COMMD1: variants seen among roughly 807,000 people sequenced by gnomAD.
COMMD1 encodes the protein copper metabolism domain containing 1, also known as COMM domain-containing protein 1.
A neutral mutation model predicts 17.2 loss-of-function variants in COMMD1; 10 were observed. The ratio of observed to expected loss-of-function variants is 0.58; its 90% CI spans 0.36 to 0.99. COMMD1 has a LOEUF of 0.99. Ranked by LOEUF, COMMD1 falls within the 50% of genes least tolerant of loss-of-function variation. The pLI is 0.01. For synonymous variants in COMMD1, 97 were observed against 91.6 expected (o/e 1.06, Z -0.34); for missense variants, 270 against 231.8 (o/e 1.17, Z -1.07).
rs143604869 is a variant in COMMD1 at position 62,090,195 on chromosome 2, T to G, written c.463-45636T>G. 3.3e-3 allele frequency among the ~76,000 whole-genome samples: 490 copies of G among 149,406 alleles called. 3 individuals are homozygous for G. Among genetic ancestry groups the G allele is most frequent in the African/African-American group, 0.011 (449 of 40,646 alleles). ...TATCTGGCATAACATTTACAAGAGA[T>G]ATATAATCCTAATACAGTGACAAAC... On this transcript the variant is annotated intron_variant, in intron 2 of 2. Coordinates refer to ENST00000311832, the MANE Select transcript of COMMD1 (RefSeq NM_152516.4).
chr2:61,995,171 A>G (rs76897755), intron 1 of COMMD1, among the ~76,000 whole-genome samples: 25,361 of 151,926 alleles, frequency 0.17, 2,286 homozygotes, highest in Middle Eastern at 0.21. Flanking sequence ...GTCATTGTCA[A>G]CCTCCAGGGC....
At chr2:62,028,832 G>A (rs1045917644) in intron 2 of COMMD1, among the ~76,000 whole-genome samples, 2 of 152,070 alleles carry the variant, frequency 1.3e-5, no homozygotes, top group Non-Finnish European at 2.9e-5. Flanking sequence ...CTTCATTTCA[G>A]TTATTTAAGT....
At chr2:61,973,068 G>A (rs1200350189) in intron 1 of COMMD1, among the ~76,000 whole-genome samples, 2 of 151,994 alleles carry the variant, frequency 1.3e-5, no homozygotes, top group Non-Finnish European at 2.9e-5. Context: ...CAATTTTGGT[G>A]TTTGTGCTTT....
chr2:62,064,841 T>G (rs1043015185), intron 2 of COMMD1, among the ~76,000 whole-genome samples: 3 of 152,326 alleles, frequency 2.0e-5, no homozygotes, highest in African/African-American at 7.2e-5. Flanking sequence ...AGAAACCATT[T>G]AGCCTTTTTG....
chr2:62,022,072 G>A (rs892861210), intron 2 of COMMD1, among the ~76,000 whole-genome samples: 2 of 152,052 alleles, frequency 1.3e-5, no homozygotes, highest in Non-Finnish European at 2.9e-5. Context: ...TTACCCCTAT[G>A]TAGATCTTAT....
At chr2:61,898,592 G>C (rs1230913909) in intron 1 of COMMD1, among the ~76,000 whole-genome samples, 1 of 151,922 alleles carries the variant, frequency 6.6e-6, no homozygotes. Flanking sequence ...AAAACTTTGG[G>C]GCCCTTGGGT....
intron 2 of COMMD1, among the ~76,000 whole-genome samples, chr2:62,099,608 C>A (rs1323052415): frequency 6.6e-6 from 1 of 150,952 alleles, no homozygotes; most frequent in African/African-American, 2.4e-5. Flanking sequence ...GACCTGTGGC[C>A]TAAGGCTTTT....
chr2:62,047,468 C>T (rs2103910246), intron 2 of COMMD1, among the ~76,000 whole-genome samples: 1 of 149,584 alleles, frequency 6.7e-6, no homozygotes, highest in South Asian at 2.1e-4. Context: ...TTCTTTCTTC[C>T]TTTCTTTTTT....
At chr2:62,000,580 T>G in intron 1 of COMMD1, 121 bp from the exon 2 acceptor site, 2 of 966,274 alleles carry the variant, frequency 2.1e-6, no homozygotes, top group South Asian at 1.4e-5. Context: ...GTGTGAGCCA[T>G]TGTGTCTGGG....
intron 1 of COMMD1, among the ~76,000 whole-genome samples, chr2:61,895,698 A>G (rs553477452): frequency 3.9e-5 from 6 of 152,252 alleles, no homozygotes; most frequent in East Asian, 1.9e-4. Flanking sequence ...AAGCAGCCCA[A>G]TGACTTGGTT....
intron 1 of COMMD1, among the ~76,000 whole-genome samples, chr2:61,996,087 A>G (rs1348005640): frequency 2.6e-5 from 4 of 152,178 alleles, no homozygotes; most frequent in African/African-American, 7.2e-5. Context: ...CTTTATTACT[A>G]TTCAAGAGGC....
At chr2:62,040,230 C>G (rs10171696) in intron 2 of COMMD1, among the ~76,000 whole-genome samples, 20,185 of 152,014 alleles carry the variant, frequency 0.13, 3,359 homozygotes, top group African/African-American at 0.39. Context: ...CTCCAGCCTA[C>G]GTGACAGAGT....
intron 2 of COMMD1, among the ~76,000 whole-genome samples, chr2:62,035,143 T>C (rs375583950): frequency 1.3e-5 from 2 of 152,210 alleles, no homozygotes; most frequent in African/African-American, 4.8e-5. Context: ...GGGCCTTGGA[T>C]AGAGTGGAGT....
chr2:62,048,432 C>T (rs940385813), intron 2 of COMMD1, among the ~76,000 whole-genome samples: 1 of 152,014 alleles, frequency 6.6e-6, no homozygotes, highest in African/African-American at 2.4e-5. Flanking sequence ...TCGTGATCCG[C>T]CCGCCTCGCC....
upstream of COMMD1, among the ~76,000 whole-genome samples, chr2:61,901,278 A>G (rs2105163966): frequency 6.6e-6 from 1 of 152,056 alleles, no homozygotes; most frequent in Non-Finnish European, 1.5e-5. Context: ...AGCAAGGTTC[A>G]TGGCTTTTCT....
At chr2:61,916,948 AG>A (rs1266900791) in intron 1 of COMMD1, among the ~76,000 whole-genome samples, 5 of 152,166 alleles carry the variant, frequency 3.3e-5, no homozygotes, top group Non-Finnish European at 5.9e-5. Flanking sequence ...ATATTCCAGT[AG>A]TTTGGTGTTT....
At chr2:62,108,567 T>C (rs1672376570) in intron 2 of COMMD1, among the ~76,000 whole-genome samples, 1 of 152,204 alleles carries the variant, frequency 6.6e-6, no homozygotes, top group Non-Finnish European at 1.5e-5. Context: ...CAGATTTCTC[T>C]CTTGCCATCT....
intron 1 of COMMD1, among the ~76,000 whole-genome samples, chr2:61,987,402 C>T (rs1255900374): frequency 6.6e-6 from 1 of 152,132 alleles, no homozygotes; most frequent in Non-Finnish European, 1.5e-5. Flanking sequence ...TTAAAGGGCA[C>T]CCCAAGTCCA....
intron 1 of COMMD1, among the ~76,000 whole-genome samples, chr2:61,992,879 T>A (rs1372190802): frequency 1.3e-5 from 2 of 152,192 alleles, no homozygotes; most frequent in African/African-American, 4.8e-5. Flanking sequence ...GTGTTTTTAA[T>A]TTTCTTTTTT....
Sources: gnomAD v4.1 joint callset for allele counts (sites outside exome capture counted in the v4.1 genomes callset) on GRCh38, gnomAD v4.1.1 for gene constraint, MANE v1.5 for transcripts, NCBI Gene and HGNC (gene_info 2026-07-23, HGNC 2026-07-21) for gene names.